Variants in IRF1 observed in about 807,000 individuals in gnomAD.
IRF1 encodes the protein interferon regulatory factor 1, also known as interferon regulatory factor-1.
Under a neutral mutation model 43.7 loss-of-function variants are expected in IRF1, and 13 were observed. The observed-to-expected ratio is 0.30, with a 90% CI of 0.19 to 0.47. The LOEUF is 0.47. Ranked by LOEUF, IRF1 falls within the 20% of genes least tolerant of loss-of-function variation. The pLI is 0.99. For synonymous variants in IRF1, 138 were observed against 146.8 expected (o/e 0.94, Z 0.43); for missense variants, 236 against 408.9 (o/e 0.58, Z 3.65).
At chr5:132,485,550 G>T in intron 8 of IRF1, 117 bp downstream of exon 8, 1 of 850,300 alleles carries the variant, frequency 1.2e-6, no homozygotes. Context: ...GTGGGACAAT[G>T]CAAGCAGCCA....
Position 132,486,404 on chromosome 5 carries a change from T to C in IRF1, c.545-31A>G, listed in dbSNP as rs765809236. 4 of 1,609,964 alleles carry C rather than the reference T, an allele frequency of 2.5e-6. No homozygotes were observed. In the Admixed American group the frequency reaches 6.7e-5, roughly 27 times the overall value. ...GAACAGCAGAAGCCACAGGTCAAGGTTGTGTGCTTTCTTAGTTTGCAAGAC... is the reference window on the plus strand; with the variant it reads ...GAACAGCAGAAGCCACAGGTCAAGGCTGTGTGCTTTCTTAGTTTGCAAGAC... On this transcript the variant is annotated intron_variant, in intron 6 of 9. Coordinates refer to ENST00000245414, the MANE Select transcript of IRF1 (RefSeq NM_002198.3).
chr5:132,487,127 C>T lies in IRF1; in HGVS notation c.191G>A (p.Arg64Gln). 1 of 1,613,970 alleles carries T rather than the reference C, an allele frequency of 6.2e-7. No individual in the cohort carries two copies. Among genetic ancestry groups the T allele is most frequent in the Non-Finnish European group, 8.5e-7 (1 of 1,179,912 alleles). Residue 64 changes from arginine (R) to glutamine (Q), a missense_variant, in exon 4 of 10, where the codon CGA becomes CAA. Arg to Gln is a conservative substitution (Grantham distance 43, BLOSUM62 1). This residue lies in a region of IRF1 where 66 missense variants were observed against 157.1 expected (regional missense o/e 0.42). Transcript: ENST00000245414. The part of the protein sequence containing the change: ...LFRSWAIHTG[R>Q]YKAGEKEPDP... ...TGGCTCCTTTTCCCCTGCTTTGTAT[C>T]GGCCTAGAGGGCAGGAGAAAAAAGA...
chr5:132,483,849 T>C lies in IRF1; in HGVS notation c.*102A>G. ...CCCCACTTGGCAGTGGGGTCACACTTGGCTGTTGAGGGGCCCACAGAAGTC... is the reference window on the plus strand; with the variant it reads ...CCCCACTTGGCAGTGGGGTCACACTCGGCTGTTGAGGGGCCCACAGAAGTC... On this transcript the variant is annotated 3_prime_UTR_variant, in exon 10 of 10. Coordinates refer to ENST00000245414, the MANE Select transcript of IRF1 (RefSeq NM_002198.3). 2.1e-6 allele frequency: 3 copies of C among 1,460,166 alleles called. No individual in the cohort carries two copies. The highest frequency in any genetic ancestry group is 2.8e-6 in the Non-Finnish European group (3 of 1,065,362). 90.5% of individuals were successfully genotyped at this position (1,460,166 alleles called of 1,614,324 possible).
At chr5:132,488,193 A>G in intron 2 of IRF1, 168 bp from the exon 3 acceptor site, 2 of 607,278 alleles carry the variant, frequency 3.3e-6, no homozygotes, top group South Asian at 3.8e-5. Context: ...GCTGGCTTAA[A>G]CAGACCACTC....
At position 132,490,375 on chromosome 5, in the gene IRF1, G is replaced by C. The variant is rs1452781412; in HGVS notation, c.-6+170C>G. 13 of 149,630 alleles carry C rather than the reference G, an allele frequency of 8.7e-5. No individual in the cohort carries two copies. In the East Asian group the frequency reaches 2.5e-3, roughly 29 times the overall value. 9.3% of individuals were successfully genotyped at this position (149,630 alleles called of 1,614,324 possible). ...CCGCGTCCCGCCCTCCCCGCGCCGC[G>C]GCCCGCGGCTCGCAGCTCCTCCGGC... On this transcript the variant is annotated intron_variant, in intron 1 of 9. Transcript: ENST00000245414. The surrounding 1 kb of genome is among the most constrained non-coding windows in gnomAD (Gnocchi z 5.8).
intron 2 of IRF1, 35 bp from the exon 3 acceptor site, chr5:132,488,060 A>G: frequency 6.7e-7 from 1 of 1,493,992 alleles, no homozygotes; most frequent in South Asian, 1.1e-5. Flanking sequence ...AGGCTGTGTC[A>G]GGTCAGAGAC....
intron 2 of IRF1, chr5:132,488,348 C>T: frequency 3.7e-6 from 1 of 267,940 alleles, no homozygotes; most frequent in South Asian, 4.4e-5. Flanking sequence ...TGGGATGTTT[C>T]TCTCTGGCTT....
chr5:132,487,852 A>G, intron 3 of IRF1, 74 bp downstream of exon 3: 1 of 966,794 alleles, frequency 1.0e-6, no homozygotes, highest in East Asian at 2.5e-5. Flanking sequence ...CCCAGTGAAG[A>G]GCCTCTGTGT....
rs9282761 is a variant in IRF1 at position 132,486,532 on chromosome 5, T to C, written c.544+25A>G. ...AGTCATCCCACTGACCTGTGGGGTC[T>C]CCTGCCAGACCTGGACCAGCTCACC... On this transcript the variant is annotated intron_variant, in intron 6 of 9. Transcript: ENST00000245414. 0.34 allele frequency: 556,068 copies of C among 1,612,414 alleles called. 97,390 individuals are homozygous for C. The highest frequency in any genetic ancestry group is 0.49 in the African/African-American group (36,652 of 74,948).
Position 132,483,127 on chromosome 5 carries a change from A to G in IRF1, c.*824T>C, listed in dbSNP as rs1387399622. 8.6e-6 allele frequency: 1 copy of G among 116,762 alleles called. No individual in the cohort carries two copies. The highest frequency in any genetic ancestry group is 2.1e-4 in the East Asian group (1 of 4,792). The allele number at this position is 116,762 out of a possible 1,614,324, so 7.2% of individuals were successfully genotyped here. On this transcript the variant is annotated 3_prime_UTR_variant, in exon 10 of 10. Coordinates refer to ENST00000245414, the MANE Select transcript of IRF1 (RefSeq NM_002198.3). ...TATAAAAAGACAAATGTACATATTT[A>G]CACACGTCCTTATGTGTTCACACAT...
Position 132,484,442 on chromosome 5 carries a change from A to G in IRF1, c.773T>C (p.Leu258Pro). 6.2e-7 allele frequency: 1 copy of G among 1,614,176 alleles called. No homozygotes were observed. Among genetic ancestry groups the G allele is most frequent in the Non-Finnish European group, 8.5e-7 (1 of 1,180,030 alleles). ...PTNVDGKGYL[L>P]NEPGVQPTSV... ...GGTGGGCTGGACTCCAGGTTCATTG[A>G]GTAGGTACCCCTTCCCATCCACGTT... Residue 258 changes from leucine (L) to proline (P), a missense_variant, in exon 9 of 10, where the codon CTC (leucine) becomes CCC (proline). Leu to Pro is a moderately conservative substitution (Grantham distance 98, BLOSUM62 -3). Coordinates refer to ENST00000245414, the MANE Select transcript of IRF1 (RefSeq NM_002198.3).
intron 7 of IRF1, chr5:132,486,024 CT>C: frequency 1.6e-6 from 1 of 626,752 alleles, no homozygotes; most frequent in Non-Finnish European, 2.8e-6. Context: ...AATGCAGCCC[CT>C]GGCCCCCTTC....
rs1447933141 is a variant in IRF1 at position 132,481,617 on chromosome 5, T to C, written c.*2334A>G. On this transcript the variant is annotated 3_prime_UTR_variant, in exon 10 of 10. Coordinates refer to ENST00000245414, the MANE Select transcript of IRF1 (RefSeq NM_002198.3). ...TAACCACTGACCACATGTGACTATT[T>C]ACATACAGTTTATTAAATGCAATTA... The C allele has an allele frequency of 6.6e-6, 1 of 152,264 alleles. No homozygotes were observed. 9.4% of individuals were successfully genotyped at this position (152,264 alleles called of 1,614,324 possible). A position where few individuals can be genotyped will look rare whatever the true frequency, so the allele number is the denominator to read the frequency against.
chr5:132,487,089 A>C lies in IRF1; in HGVS notation c.229T>G (p.Trp77Gly). The stretch of plus-strand genomic sequence containing the variant: ...ATGGCACAGCGAAAGTTGGCCTTCC[A>C]CGTCTTGGGATCTGGCTCCTTTTCC... Reference protein sequence around the residue: ...AGEKEPDPKTWKANFRCAMNS... With the variant: ...AGEKEPDPKTGKANFRCAMNS... The change falls in exon 4 of 10, where the codon TGG (tryptophan) becomes GGG (glycine). Residue 77 changes from tryptophan to glycine, a missense_variant. By Grantham distance (184) the Trp-to-Gly change is radical. Coordinates refer to ENST00000245414, the MANE Select transcript of IRF1 (RefSeq NM_002198.3). 1 of 1,614,006 alleles carries C rather than the reference A, an allele frequency of 6.2e-7. No individual in the cohort carries two copies. Among genetic ancestry groups the C allele is most frequent in the Non-Finnish European group, 8.5e-7 (1 of 1,179,962 alleles).
intron 3 of IRF1, 159 bp downstream of exon 3, chr5:132,487,767 T>C: frequency 1.7e-6 from 1 of 605,706 alleles, no homozygotes. Context: ...ATCGACTCTC[T>C]TCTCCAGAAA....
intron 3 of IRF1, 83 bp from the exon 4 acceptor site, chr5:132,487,213 G>T: frequency 7.1e-7 from 1 of 1,405,328 alleles, no homozygotes; most frequent in Non-Finnish European, 9.9e-7. Context: ...AGGAAGGCAA[G>T]GTACCCCTGA....
rs1173311580 is a variant in IRF1, at chr5:132,490,231, G to C, written c.-6+314C>G. ...TGGGCTGACACTCGGTCCCCGGCACGGCGTGTGGATGCGCGGGACGAACAT... is the reference window on the plus strand; with the variant it reads ...TGGGCTGACACTCGGTCCCCGGCACCGCGTGTGGATGCGCGGGACGAACAT... On this transcript the variant is annotated intron_variant, in intron 1 of 9. Coordinates refer to ENST00000245414, the MANE Select transcript of IRF1 (RefSeq NM_002198.3). The surrounding 1 kb of genome is among the most constrained non-coding windows in gnomAD (Gnocchi z 5.8). The C allele has an allele frequency of 6.6e-6, 1 of 152,156 alleles. No individual in the cohort carries two copies. The highest frequency in any genetic ancestry group is 2.4e-5 in the African/African-American group (1 of 41,450). The allele number at this position is 152,156 out of a possible 1,614,324, so 9.4% of individuals were successfully genotyped here. A position where few individuals can be genotyped will look rare whatever the true frequency, so the allele number is the denominator to read the frequency against.
At chr5:132,487,340 G>C in intron 3 of IRF1, 1 of 583,732 alleles carries the variant, frequency 1.7e-6, no homozygotes, top group South Asian at 2.0e-5. Flanking sequence ...AACACATCTA[G>C]CGGGCCTCAG....
Position 132,484,409 on chromosome 5 carries a change from T to G in IRF1, c.806A>C (p.Tyr269Ser), listed in dbSNP as rs765933230. 1.9e-6 allele frequency: 3 copies of G among 1,614,036 alleles called. No homozygotes were observed. The highest frequency in any genetic ancestry group is 2.5e-6 in the Non-Finnish European group (3 of 1,180,030). Reference sequence around the variant, plus strand: ...CTCCTCCTTACAGCTAAAGTCTCCATAGACAGAGGTGGGCTGGACTCCAGG... The same window carrying G: ...CTCCTCCTTACAGCTAAAGTCTCCAGAGACAGAGGTGGGCTGGACTCCAGG... ...NEPGVQPTSV[Y>S]GDFSCKEEPE... Residue 269 changes from tyrosine to serine, a missense_variant, in exon 9 of 10, where the codon TAT becomes TCT. Around this residue, in one of 2 missense-constraint regions of IRF1, gnomAD observed 170 missense variants for 251.8 expected, o/e 0.68. Coordinates refer to ENST00000245414, the MANE Select transcript of IRF1 (RefSeq NM_002198.3).
Sources: gnomAD v4.1 joint callset for allele counts on GRCh38, gnomAD v4.1.1 for gene constraint, gnomAD v4.1.1 regional missense constraint, Gnocchi (gnomAD v3.1) non-coding constraint, MANE v1.5 for transcripts, NCBI Gene and HGNC (gene_info 2026-07-23, HGNC 2026-07-21) for gene names.